ZNF256: variants seen among roughly 807,000 people sequenced by gnomAD.
ZNF256 encodes bone marrow zinc finger 3.
A neutral mutation model predicts 7.9 loss-of-function variants in ZNF256; 4 were observed. The ratio of observed to expected loss-of-function variants is 0.50; its 90% CI spans 0.25 to 1.15. The LOEUF (loss-of-function observed/expected upper bound fraction) is 1.15, where lower values mean the gene tolerates loss of function less well. ZNF256 is among the 50% of genes most tolerant of loss of function. The pLI is 0.15. For synonymous variants in ZNF256, 260 were observed against 260.4 expected (o/e 1.00, Z 0.02); for missense variants, 666 against 755.9 (o/e 0.88, Z 1.39).
At chr19:57,945,187 G>A (rs1023227649) in intron 1 of ZNF256, among the ~76,000 whole-genome samples, 32 of 152,076 alleles carry the variant, frequency 2.1e-4, no homozygotes, top group South Asian at 6.2e-4. Context: ...GAGCCACCAC[G>A]CCTGGCTGAA....
rs1478259752 is a variant in ZNF256, at chr19:57,941,207, A to T, written c.1601T>A (p.Leu534His). The change falls in exon 3 of 3, where the codon CTC becomes CAC. Residue 534 changes from leucine to histidine, a missense_variant. Leu to His is a moderately conservative substitution (Grantham distance 99). Coordinates refer to ENST00000282308, the MANE Select transcript of ZNF256 (RefSeq NM_005773.3). Reference sequence around the variant, plus strand: ...GGTGTGACTTCTCCTATGTCTAATGAGGCTGGAGCTCTGGCTAAAAAACTT... The same window carrying T: ...GGTGTGACTTCTCCTATGTCTAATGTGGCTGGAGCTCTGGCTAAAAAACTT... ...CGKFFSQSSS[L>H]IRHRRSHTGE... 4.3e-6 allele frequency: 7 copies of T among 1,613,846 alleles called. No individual in the cohort carries two copies.
rs759983030 is a variant in ZNF256, at chr19:57,941,024, C to T, written c.1784G>A (p.Arg595Gln). ...SQSSNLTNHQ[R>Q]IHSGERPYEC... ...ATAAGGCCTTTCCCCACTGTGAATTCGCTGGTGATTAGTGAGGTTAGAGCT... is the reference window on the plus strand; with the variant it reads ...ATAAGGCCTTTCCCCACTGTGAATTTGCTGGTGATTAGTGAGGTTAGAGCT... Residue 595 changes from arginine (R) to glutamine (Q), a missense_variant, in exon 3 of 3, where the codon CGA (arginine) becomes CAA (glutamine). Transcript: ENST00000282308. The T allele has an allele frequency of 4.3e-6, 7 of 1,614,058 alleles. No individual in the cohort carries two copies. The highest frequency in any genetic ancestry group is 4.5e-5 in the East Asian group (2 of 44,898).
intron 1 of ZNF256, among the ~76,000 whole-genome samples, chr19:57,944,277 T>G (rs1188278639): frequency 6.6e-6 from 1 of 152,178 alleles, no homozygotes; most frequent in African/African-American, 2.4e-5. Flanking sequence ...AACAAATACA[T>G]GTATCTAAGC....
rs774245227 is a variant in ZNF256, at chr19:57,942,617, G to A, written c.191C>T (p.Pro64Leu). The A allele has an allele frequency of 1.2e-6, 2 of 1,613,918 alleles. No homozygotes were observed. Among genetic ancestry groups the A allele is most frequent in the Non-Finnish European group, 1.7e-6 (2 of 1,179,870 alleles). The change falls in exon 3 of 3, where the codon CCT (proline) becomes CTT (leucine). Residue 64 changes from proline to leucine, a missense_variant. Pro to Leu is a moderately conservative substitution (Grantham distance 98). Transcript: ENST00000282308. ...GGSGAGDEEA[P>L]YQQSTSPQRV... ...CTGTGGAGAAGTGCTCTGCTGATAA[G>A]GTGCCTCCTCATCCCCTGCTCCAGA... is the stretch of plus-strand genomic sequence containing the variant.
chr19:57,946,338 G>A (rs2072766099), intron 1 of ZNF256, among the ~76,000 whole-genome samples: 1 of 152,144 alleles, frequency 6.6e-6, no homozygotes, highest in South Asian at 2.1e-4. Flanking sequence ...TGAAAGATCT[G>A]ACTCTTAGCA....
chr19:57,947,538 C>G lies in ZNF256; in HGVS notation c.-64G>C. ...TTATTCCGGGCCGGGCCTGGGTACC[C>G]TGGGCGCCGCCGAGCCTCAGCCACG... On this transcript the variant is annotated 5_prime_UTR_variant, in exon 1 of 3. Coordinates refer to ENST00000282308, the MANE Select transcript of ZNF256 (RefSeq NM_005773.3). The G allele has an allele frequency of 1.6e-6, 2 of 1,244,216 alleles. No homozygotes were observed. The highest frequency in any genetic ancestry group is 1.5e-5 in the African/African-American group (1 of 64,520). The allele number at this position is 1,244,216 out of a possible 1,614,324, so 77.1% of individuals were successfully genotyped here.
At chr19:57,944,913 A>T (rs2072756357) in intron 1 of ZNF256, among the ~76,000 whole-genome samples, 1 of 145,648 alleles carries the variant, frequency 6.9e-6, no homozygotes, top group Non-Finnish European at 1.5e-5. Flanking sequence ...CAGTTTATTA[A>T]TTTTTTTTTT....
intron 1 of ZNF256, among the ~76,000 whole-genome samples, chr19:57,945,799 T>C (rs1407478302): frequency 6.6e-6 from 1 of 152,204 alleles, no homozygotes; most frequent in Non-Finnish European, 1.5e-5. Flanking sequence ...CTATTCCACT[T>C]CTGTGCTGCA....
In ZNF256 at chr19:57,941,433, C is replaced by T. The variant is rs1284292869; in HGVS notation, c.1375G>A (p.Gly459Arg). 12 of 1,614,044 alleles carry T rather than the reference C, an allele frequency of 7.4e-6. No individual in the cohort carries two copies. In the Admixed American group the frequency reaches 2.0e-4, roughly 27 times the overall value. The change falls in exon 3 of 3, where the codon GGA becomes AGA. Residue 459 changes from glycine to arginine, a missense_variant. Physicochemically the swap from Gly to Arg is moderately radical, Grantham distance 125. Coordinates refer to ENST00000282308, the MANE Select transcript of ZNF256 (RefSeq NM_005773.3). ...TCACTGCACTCATATGGCCTTTCTC[C>T]TGTGTGAACTCTCTCATGTACAATG... ...DLIVHERVHT[G>R]ERPYECSECG...
chr19:57,943,606 T>G (rs1012325736), intron 2 of ZNF256, among the ~76,000 whole-genome samples: 5 of 152,186 alleles, frequency 3.3e-5, no homozygotes, highest in Non-Finnish European at 5.9e-5. Context: ...CATGAGGAAG[T>G]GTCCCCTAGA....
intron 1 of ZNF256, among the ~76,000 whole-genome samples, chr19:57,945,368 G>A (rs2072759764): frequency 6.6e-6 from 1 of 152,170 alleles, no homozygotes. Flanking sequence ...GAGGGGACTG[G>A]CTTGTTTGAA....
chr19:57,945,159 T>C (rs902966026), intron 1 of ZNF256, among the ~76,000 whole-genome samples: 5 of 152,034 alleles, frequency 3.3e-5, no homozygotes, highest in Non-Finnish European at 7.4e-5. Flanking sequence ...CCTCCCAAAG[T>C]GCTGGGATTA....
rs768617369 is a variant in ZNF256 at position 57,941,968 on chromosome 19, A to T, written c.840T>A (p.Ser280=). The T allele has an allele frequency of 3.1e-6, 5 of 1,614,128 alleles. No homozygotes were observed. Among genetic ancestry groups the T allele is most frequent in the Non-Finnish European group, 4.2e-6 (5 of 1,179,942 alleles). ...GECGKSYRQS[S]SLITHRRIHT... is the part of the protein sequence containing the mutation. ...GAATTCTTCGGTGCGTAATAAGGCT[A>T]GAGCTTTGCCTATAGGATTTCCCAC... Residue 280 remains serine, a synonymous_variant, in exon 3 of 3, where the codon TCT becomes TCA. Transcript: ENST00000282308.
In ZNF256 at chr19:57,940,875, G is replaced by A; in HGVS notation, c.*49C>T. On this transcript the variant is annotated 3_prime_UTR_variant, in exon 3 of 3. Coordinates refer to ENST00000282308, the MANE Select transcript of ZNF256 (RefSeq NM_005773.3). ...TTATTTATTTATGTCTGTGAATTTTGCAGGGACACTTCTCAGTCCGTAACA... is the reference window on the plus strand; with the variant it reads ...TTATTTATTTATGTCTGTGAATTTTACAGGGACACTTCTCAGTCCGTAACA... 1 of 1,510,728 alleles carries A rather than the reference G, an allele frequency of 6.6e-7. No individual in the cohort carries two copies. Among genetic ancestry groups the A allele is most frequent in the South Asian group, 1.3e-5 (1 of 79,026 alleles). The allele number at this position is 1,510,728 out of a possible 1,614,324, so 93.6% of individuals were successfully genotyped here. A position where few individuals can be genotyped will look rare whatever the true frequency, so the allele number is the denominator to read the frequency against.
At position 57,944,006 on chromosome 19, in the gene ZNF256, G is replaced by C. The variant is rs1352422041; in HGVS notation, c.88C>G (p.Leu30Val). 6.2e-7 allele frequency: 1 copy of C among 1,613,982 alleles called. No homozygotes were observed. The highest frequency in any genetic ancestry group is 1.3e-5 in the African/African-American group (1 of 74,922). ...AGGCATTTCTGAGCCTCATCAAGAA[G>C]ACCCCACTCCTTCCAGGAGAAGTAA... is the stretch of plus-strand genomic sequence containing the variant. ...AVYFSWKEWG[L>V]LDEAQKCLYH... The change falls in exon 2 of 3, where the codon CTT becomes GTT. Residue 30 changes from leucine to valine, a missense_variant. Transcript: ENST00000282308.
At position 57,942,069 on chromosome 19, in the gene ZNF256, A is replaced by T. The variant is rs1314472553; in HGVS notation, c.739T>A (p.Ser247Thr). The change falls in exon 3 of 3, where the codon TCT becomes ACT. Residue 247 changes from serine (S) to threonine (T), a missense_variant. Physicochemically the swap from Ser to Thr is moderately conservative, Grantham distance 58 (BLOSUM62 1). Transcript: ENST00000282308. ...CTGAGGCTACAGCTTGTGCTAAAAG[A>T]TTTCCCACATTCACTGCACATGTAA... The part of the protein sequence containing the change: ...RSYMCSECGK[S>T]FSTSCSLSDH... 1 of 1,614,220 alleles carries T rather than the reference A, an allele frequency of 6.2e-7. No individual in the cohort carries two copies. Among genetic ancestry groups the T allele is most frequent in the Non-Finnish European group, 8.5e-7 (1 of 1,180,046 alleles).
chr19:57,946,509 T>G (rs2123195927), intron 1 of ZNF256, among the ~76,000 whole-genome samples: 1 of 152,256 alleles, frequency 6.6e-6, no homozygotes, highest in South Asian at 2.1e-4. Flanking sequence ...ATTATGTAAT[T>G]TAGTTGTCCC....
Position 57,941,040 on chromosome 19 carries a change from G to A in ZNF256, c.1768C>T (p.Leu590Phe). The change falls in exon 3 of 3, where the codon CTC becomes TTC. Residue 590 changes from leucine to phenylalanine, a missense_variant. Leu to Phe is a conservative substitution (Grantham distance 22). Transcript: ENST00000282308. ...CTGTGAATTCGCTGGTGATTAGTGA[G>A]GTTAGAGCTCTGGCTAAAGGATTTT... ...CGKSFSQSSN[L>F]TNHQRIHSGE... 6.2e-7 allele frequency: 1 copy of A among 1,614,204 alleles called. No homozygotes were observed. The highest frequency in any genetic ancestry group is 8.5e-7 in the Non-Finnish European group (1 of 1,180,042).
intron 1 of ZNF256, among the ~76,000 whole-genome samples, chr19:57,946,531 C>T (rs1313546046): frequency 1.3e-5 from 2 of 152,126 alleles, no homozygotes; most frequent in African/African-American, 4.8e-5. Context: ...TTTGAAACCA[C>T]ACATCCGGAA....
Sources: gnomAD v4.1 joint callset for allele counts (sites outside exome capture counted in the v4.1 genomes callset) on GRCh38, gnomAD v4.1.1 for gene constraint, MANE v1.5 for transcripts, NCBI Gene and HGNC (gene_info 2026-07-23, HGNC 2026-07-21) for gene names.